Variants in AOC2 observed in about 807,000 individuals in gnomAD.
AOC2 encodes amine oxidase [copper-containing] 2.
Under a neutral mutation model 53.8 loss-of-function variants are expected in AOC2, and 57 were observed. That is an observed-to-expected ratio of 1.06 (90% CI 0.86 to 1.32). AOC2 has a LOEUF of 1.32. Ranked by LOEUF, AOC2 falls within the 40% of genes most tolerant of loss-of-function variation. The pLI is 0.00. For missense variants in AOC2, 1,008 were observed against 957.2 expected (o/e 1.05, Z -0.70); for synonymous variants, 404 against 399.0 (o/e 1.01, Z -0.15).
At position 42,848,528 on chromosome 17, in the gene AOC2, T is replaced by TAC. The variant is rs1567686464; in HGVS notation, c.1589-557_1589-556insCA. On this transcript the variant is annotated intron_variant, in intron 1 of 3. Transcript: ENST00000253799. ...GCTAGTGTGACAGAGGAACTGAATA[T>TAC]ATATATATATATATATACATATATA... 4.3e-5 allele frequency among the ~76,000 whole-genome samples: 6 copies of TAC among 138,956 alleles called. 1 individual carries two copies. Among genetic ancestry groups the TAC allele is most frequent in the African/African-American group, 1.8e-4 (6 of 33,430 alleles). 91.2% of individuals were successfully genotyped at this position (138,956 alleles called of 152,430 possible).
intron 3 of AOC2, 46 bp downstream of exon 3, chr17:42,849,776 C>T: frequency 2.5e-6 from 4 of 1,611,712 alleles, no homozygotes; most frequent in South Asian, 1.1e-5. Context: ...GTGGGCATGG[C>T]ATCTTGGCTG....
In AOC2 at chr17:42,849,676, G is replaced by A. The variant is rs752721098; in HGVS notation, c.1950G>A (p.Trp650Ter). ...SSSIYHQNDI[W>*]TPTVTFADFI... is the part of the protein sequence containing the mutation. ...GCATCTATCACCAGAATGACATCTG[G>A]ACACCCACAGTTACCTTTGCTGACT... is the stretch of plus-strand genomic sequence containing the variant. Residue 650 changes from tryptophan (W) to a stop codon, truncating the protein, a stop_gained, in exon 3 of 4, where the codon TGG becomes TGA. Transcript: ENST00000253799. LOFTEE classifies it high-confidence loss of function. 1 of 1,614,222 alleles carries A rather than the reference G, an allele frequency of 6.2e-7. No individual in the cohort carries two copies.
Position 42,849,722 on chromosome 17 carries a change from T to C in AOC2, c.1996T>C (p.Leu666=). 1 of 1,614,184 alleles carries C rather than the reference T, an allele frequency of 6.2e-7. No individual in the cohort carries two copies. The highest frequency in any genetic ancestry group is 8.5e-7 in the Non-Finnish European group (1 of 1,180,026). ...FADFINNETL[L]GEDLVAWVTA... Reference sequence around the variant, plus strand: ...TGACTTCATCAACAATGAAACCCTCTTAGGAGAGGTTGGTTGCCCTAGGGA... The same window carrying C: ...TGACTTCATCAACAATGAAACCCTCCTAGGAGAGGTTGGTTGCCCTAGGGA... The change falls in exon 3 of 4, where the codon TTA becomes CTA. Residue 666 remains leucine (L), a synonymous_variant. Coordinates refer to ENST00000253799, the MANE Select transcript of AOC2 (RefSeq NM_009590.4).
chr17:42,849,908 A>G (rs2055636017), intron 3 of AOC2, among the ~76,000 whole-genome samples, 174 bp from the exon 4 acceptor site: 2 of 152,170 alleles, frequency 1.3e-5, no homozygotes, highest in African/African-American at 4.8e-5. Flanking sequence ...GCTCTGGGAC[A>G]CTGGCTCCCC....
At chr17:42,847,709 C>T (rs1434754893) in intron 1 of AOC2, among the ~76,000 whole-genome samples, 5 of 152,004 alleles carry the variant, frequency 3.3e-5, no homozygotes, top group Non-Finnish European at 7.4e-5. Context: ...GCCCTGACCT[C>T]CTGGGCTCAA....
In AOC2 at chr17:42,844,681, G is replaced by A; in HGVS notation, c.55G>A (p.Ala19Thr). The change falls in exon 1 of 4, where the codon GCC (alanine) becomes ACC (threonine). Residue 19 changes from alanine to threonine, a missense_variant. Transcript: ENST00000253799. Reference protein sequence around the residue: ...FLALSLITIFALAYVLLTSPG... With the variant: ...FLALSLITIFTLAYVLLTSPG... Reference sequence around the variant, plus strand: ...GGCACTGTCCCTCATTACCATCTTTGCCCTGGCCTATGTTTTGCTGACCAG... The same window carrying A: ...GGCACTGTCCCTCATTACCATCTTTACCCTGGCCTATGTTTTGCTGACCAG... 1 of 1,614,112 alleles carries A rather than the reference G, an allele frequency of 6.2e-7. No individual in the cohort carries two copies. The highest frequency in any genetic ancestry group is 2.2e-5 in the East Asian group (1 of 44,880).
Position 42,846,196 on chromosome 17 carries a change from C to G in AOC2, c.1570C>G (p.Leu524Val). The G allele has an allele frequency of 1.3e-6, 2 of 1,518,636 alleles. No homozygotes were observed. The allele number at this position is 1,518,636 out of a possible 1,614,324, so 94.1% of individuals were successfully genotyped here. The change falls in exon 1 of 4, where the codon CTG (leucine) becomes GTG (valine). Residue 524 changes from leucine (L) to valine (V), a missense_variant. Leu to Val is a conservative substitution (Grantham distance 32). Coordinates refer to ENST00000253799, the MANE Select transcript of AOC2 (RefSeq NM_009590.4). ...TVHTHAFHFK[L>V]DLDVAGLKNW... Reference sequence around the variant, plus strand: ...GCACACACATGCCTTCCACTTCAAGCTGGACCTGGATGTGGCAGGTGAGTG... The same window carrying G: ...GCACACACATGCCTTCCACTTCAAGGTGGACCTGGATGTGGCAGGTGAGTG...
In AOC2 at chr17:42,846,664, C is replaced by T. The variant is rs190131755; in HGVS notation, c.1588+450C>T. On this transcript the variant is annotated intron_variant, in intron 1 of 3. Transcript: ENST00000253799. ...TGTCCAGAGTCTTCAGGGTGGGGGT[C>T]GACCTGGGGCTTAGGAAGGAGAGGG... is the stretch of plus-strand genomic sequence containing the variant. 2.0e-3 allele frequency among the ~76,000 whole-genome samples: 309 copies of T among 152,158 alleles called. 3 individuals are homozygous for T. Among genetic ancestry groups the T allele is most frequent in the Middle Eastern group, 0.01 (3 of 294 alleles).
chr17:42,850,577 C>T lies in AOC2; in HGVS notation c.*229C>T, dbSNP rs2055647596. ...ATATTCAAAGAAAAATATCACAAAT[C>T]CTACTACTCAGAAATAGGTGGTCAC... On this transcript the variant is annotated 3_prime_UTR_variant, in exon 4 of 4. Coordinates refer to ENST00000253799, the MANE Select transcript of AOC2 (RefSeq NM_009590.4). 2 of 455,148 alleles carry T rather than the reference C, an allele frequency of 4.4e-6. No individual in the cohort carries two copies. The highest frequency in any genetic ancestry group is 5.8e-5 in the South Asian group (1 of 17,126). 28.2% of individuals were successfully genotyped at this position (455,148 alleles called of 1,614,324 possible).
chr17:42,849,720 T>C lies in AOC2; in HGVS notation c.1994T>C (p.Leu665Pro). 6.2e-7 allele frequency: 1 copy of C among 1,614,186 alleles called. No homozygotes were observed. Residue 665 changes from leucine (L) to proline (P), a missense_variant, in exon 3 of 4, where the codon CTC becomes CCC. Transcript: ENST00000253799. ...GCTGACTTCATCAACAATGAAACCC[T>C]CTTAGGAGAGGTTGGTTGCCCTAGG... ...TFADFINNET[L>P]LGEDLVAWVT...
In AOC2 at chr17:42,845,381, A is replaced by G; in HGVS notation, c.755A>G (p.His252Arg). The G allele has an allele frequency of 6.2e-7, 1 of 1,614,144 alleles. No individual in the cohort carries two copies. ...GACCACAGGGCCCTGGACCCTGCCC[A>G]CTGGACTGTCCAGCAGGTCTTCTAC... is the stretch of plus-strand genomic sequence containing the variant. ...LLDHRALDPA[H>R]WTVQQVFYLG... Residue 252 changes from histidine (H) to arginine (R), a missense_variant, in exon 1 of 4, where the codon CAC becomes CGC. By Grantham distance (29) the His-to-Arg change is conservative. Coordinates refer to ENST00000253799, the MANE Select transcript of AOC2 (RefSeq NM_009590.4).
At chr17:42,848,732 G>A (rs1236108485) in intron 1 of AOC2, among the ~76,000 whole-genome samples, 3 of 151,502 alleles carry the variant, frequency 2.0e-5, no homozygotes, top group Admixed American at 6.6e-5. Flanking sequence ...TTTATTGTTT[G>A]TAGAGTCAGG....
intron 1 of AOC2, among the ~76,000 whole-genome samples, chr17:42,847,884 G>A (rs905496449): frequency 6.6e-6 from 1 of 151,430 alleles, no homozygotes; most frequent in Non-Finnish European, 1.5e-5. Context: ...AGGTTCAAGC[G>A]ATTCTTGTGT....
chr17:42,844,921 C>G lies in AOC2; in HGVS notation c.295C>G (p.Leu99Val), dbSNP rs1352405675. The change falls in exon 1 of 4, where the codon CTG becomes GTG. Residue 99 changes from leucine (L) to valine (V), a missense_variant. Coordinates refer to ENST00000253799, the MANE Select transcript of AOC2 (RefSeq NM_009590.4). ...DNCIFSVELQ[L>V]PPKAAALAHL... ...CTGCATCTTCTCAGTGGAGCTGCAGCTGCCCCCCAAGGCTGCAGCCCTGGC... is the reference window on the plus strand; with the variant it reads ...CTGCATCTTCTCAGTGGAGCTGCAGGTGCCCCCCAAGGCTGCAGCCCTGGC... 6.2e-7 allele frequency: 1 copy of G among 1,612,632 alleles called. No individual in the cohort carries two copies. The highest frequency in any genetic ancestry group is 8.5e-7 in the Non-Finnish European group (1 of 1,179,300).
rs1370855089 is a variant in AOC2, at chr17:42,844,624, A to G, written c.-3A>G. 5 of 1,601,964 alleles carry G rather than the reference A, an allele frequency of 3.1e-6. No homozygotes were observed. The highest frequency in any genetic ancestry group is 4.5e-5 in the East Asian group (2 of 44,574). On this transcript the variant is annotated 5_prime_UTR_variant, in exon 1 of 4. Coordinates refer to ENST00000253799, the MANE Select transcript of AOC2 (RefSeq NM_009590.4). ...ATTCTGATTTCAGCTCTCAGCATCC[A>G]CCATGCATCTCAAGATAGTCCTGGC...
rs142697203 is a variant in AOC2 at position 42,845,558 on chromosome 17, C to T, written c.932C>T (p.Ser311Leu). ...GGTCCTCTTCCCCCTCTTCAGTTCT[C>T]GCCCCAGGGTTCCCAGTACAGTGTG... The part of the protein sequence containing the change: ...SPGPLPPLQF[S>L]PQGSQYSVQG... The change falls in exon 1 of 4, where the codon TCG becomes TTG. Residue 311 changes from serine (S) to leucine (L), a missense_variant. Ser to Leu is a moderately radical substitution (Grantham distance 145). Coordinates refer to ENST00000253799, the MANE Select transcript of AOC2 (RefSeq NM_009590.4). 1.4e-5 allele frequency: 22 copies of T among 1,614,208 alleles called. No individual in the cohort carries two copies. The highest frequency in any genetic ancestry group is 1.6e-4 in the Middle Eastern group (1 of 6,062).
Position 42,849,127 on chromosome 17 carries a change from C to G in AOC2, c.1630C>G (p.Pro544Ala). The change falls in exon 2 of 4, where the codon CCT (proline) becomes GCT (alanine). Residue 544 changes from proline (P) to alanine (A), a missense_variant. Physicochemically the swap from Pro to Ala is conservative, Grantham distance 27. Coordinates refer to ENST00000253799, the MANE Select transcript of AOC2 (RefSeq NM_009590.4). ...GGTAGCTGAAGACGTGGTGTTTAAACCTGTGGCTGCCCCCTGGAACCCGGA... is the reference window on the plus strand; with the variant it reads ...GGTAGCTGAAGACGTGGTGTTTAAAGCTGTGGCTGCCCCCTGGAACCCGGA... The part of the protein sequence containing the change: ...WVVAEDVVFK[P>A]VAAPWNPEHW... The G allele has an allele frequency of 1.2e-6, 2 of 1,614,018 alleles. No individual in the cohort carries two copies. Among genetic ancestry groups the G allele is most frequent in the Non-Finnish European group, 1.7e-6 (2 of 1,179,922 alleles).
Position 42,844,979 on chromosome 17 carries a change from G to A in AOC2, c.353G>A (p.Arg118Gln), listed in dbSNP as rs559074792. The change falls in exon 1 of 4, where the codon CGG (arginine) becomes CAG (glutamine). Residue 118 changes from arginine (R) to glutamine (Q), a missense_variant. Coordinates refer to ENST00000253799, the MANE Select transcript of AOC2 (RefSeq NM_009590.4). ...GACAGGGGGAGCCCCCCACCTGCCC[G>A]GGAGGCACTGGCCATCGTCCTCTTT... The part of the protein sequence containing the change: ...HLDRGSPPPA[R>Q]EALAIVLFGG... 2.1e-5 allele frequency: 34 copies of A among 1,611,304 alleles called. No homozygotes were observed. Among genetic ancestry groups the A allele is most frequent in the East Asian group, 6.7e-5 (3 of 44,816 alleles).
Position 42,849,518 on chromosome 17 carries a change from C to T in AOC2, c.1875-83C>T, listed in dbSNP as rs914258914. On this transcript the variant is annotated intron_variant, in intron 2 of 3. Coordinates refer to ENST00000253799, the MANE Select transcript of AOC2 (RefSeq NM_009590.4). ...AGATACACGGTGGGAAATGGTCTCACACAGAATCGGATCTAAGGGACTCCT... is the reference window on the plus strand; with the variant it reads ...AGATACACGGTGGGAAATGGTCTCATACAGAATCGGATCTAAGGGACTCCT... 18 of 1,605,412 alleles carry T rather than the reference C, an allele frequency of 1.1e-5. No homozygotes were observed. In the African/African-American group the frequency reaches 1.3e-4, roughly 12 times the overall value.
Sources: allele counts gnomAD v4.1 joint callset (sites outside exome capture counted in the v4.1 genomes callset), GRCh38; gene constraint gnomAD v4.1.1; transcripts MANE v1.5; gene names NCBI Gene and HGNC (gene_info 2026-07-23, HGNC 2026-07-21).